Variants in SDK2 observed in about 807,000 individuals in gnomAD.
SDK2 encodes protein sidekick-2.
A neutral mutation model predicts 253.9 loss-of-function variants in SDK2; 105 were observed. The ratio of observed to expected loss-of-function variants is 0.41; its 90% confidence interval spans 0.35 to 0.49. The LOEUF (loss-of-function observed/expected upper bound fraction) is 0.49, where lower values mean the gene tolerates loss of function less well. SDK2 is among the 20% of genes least tolerant of loss of function. SDK2 has a pLI of 0.06. For synonymous variants in SDK2, 1,249 were observed against 1,234.9 expected (o/e 1.01, Z -0.24); for missense variants, 2,608 against 3,003.0 (o/e 0.87, Z 3.07).
chr17:73,548,231 G>A (rs2044997509), intron 1 of SDK2, among the ~76,000 whole-genome samples: 1 of 152,234 alleles, frequency 6.6e-6, no homozygotes, highest in South Asian at 2.1e-4. Flanking sequence ...GGGCTAGGAA[G>A]TGGCAGTGGT....
chr17:73,338,277 C>CTG lies in SDK2; in HGVS notation c.*309_*310insCA. On this transcript the variant is annotated 3_prime_UTR_variant, in exon 45 of 45. Coordinates refer to ENST00000392650, the MANE Select transcript of SDK2 (RefSeq NM_001144952.2). The surrounding 1 kb of genome is among the most constrained non-coding windows in gnomAD (Gnocchi z 5.0). ...CTTAGCCTCCGCTCCCTCTCTCTCT[C>CTG]CAGATGCCCGCCCCACTCCGTGTCC... 1.9e-6 allele frequency: 1 copy of CTG among 523,028 alleles called. No homozygotes were observed. The highest frequency in any genetic ancestry group is 3.6e-6 in the Non-Finnish European group (1 of 274,156). 32.4% of individuals were successfully genotyped at this position (523,028 alleles called of 1,614,324 possible). A position where few individuals can be genotyped will look rare whatever the true frequency, so the allele number is the denominator to read the frequency against.
intron 5 of SDK2, among the ~76,000 whole-genome samples, chr17:73,441,423 C>A (rs181144934): frequency 1.1e-4 from 16 of 152,240 alleles, no homozygotes; most frequent in Non-Finnish European, 1.8e-4. Context: ...AGGATCATTA[C>A]AGGTTTGTAA....
At chr17:73,398,499 C>T (rs2062991667) in intron 22 of SDK2, 70 bp from the exon 23 acceptor site, 3 of 1,323,908 alleles carry the variant, frequency 2.3e-6, no homozygotes, top group Admixed American at 1.8e-5. Flanking sequence ...AGCCCCAGTA[C>T]AAGCCCTGCC....
chr17:73,536,627 C>T (rs778311278), intron 1 of SDK2, among the ~76,000 whole-genome samples: 11 of 152,214 alleles, frequency 7.2e-5, no homozygotes, highest in Non-Finnish European at 1.0e-4. Context: ...CAGCAGAACA[C>T]GCTGCCCCCA....
chr17:73,489,642 C>T (rs917493958), intron 2 of SDK2, among the ~76,000 whole-genome samples: 2 of 152,140 alleles, frequency 1.3e-5, no homozygotes, highest in Non-Finnish European at 2.9e-5. Flanking sequence ...CAGGTTCTTC[C>T]CTATAACGAG....
intron 1 of SDK2, among the ~76,000 whole-genome samples, chr17:73,572,772 A>G (rs1320147552): frequency 6.6e-6 from 1 of 151,824 alleles, no homozygotes; most frequent in Non-Finnish European, 1.5e-5. Context: ...CCTATCATTG[A>G]CCCCTTCTGT....
intron 15 of SDK2, 150 bp from the exon 16 acceptor site, chr17:73,419,456 G>C (rs1781484311): frequency 1.2e-6 from 1 of 808,984 alleles, no homozygotes; most frequent in African/African-American, 1.7e-5. Context: ...ACTTCTCTGA[G>C]CTTGTTCTAT....
In SDK2 at chr17:73,338,330, C is replaced by T. The variant is rs1293109993; in HGVS notation, c.*257G>A. The T allele has an allele frequency of 1.6e-6, 1 of 635,062 alleles. No homozygotes were observed. Among genetic ancestry groups the T allele is most frequent in the Non-Finnish European group, 2.9e-6 (1 of 342,212 alleles). 39.3% of individuals were successfully genotyped at this position (635,062 alleles called of 1,614,324 possible). A position where few individuals can be genotyped will look rare whatever the true frequency, so the allele number is the denominator to read the frequency against. Reference sequence around the variant, plus strand: ...AGCAGTGACACAGCCACTTCCCCAGCTCCGTGTAATTCCCAAGGGAGCAGT... The same window carrying T: ...AGCAGTGACACAGCCACTTCCCCAGTTCCGTGTAATTCCCAAGGGAGCAGT... On this transcript the variant is annotated 3_prime_UTR_variant, in exon 45 of 45. Coordinates refer to ENST00000392650, the MANE Select transcript of SDK2 (RefSeq NM_001144952.2). This position sits in a 1 kb window ranked among gnomAD's most constrained non-coding sequence, Gnocchi z 5.0.
chr17:73,345,217 G>A (rs890286935), intron 44 of SDK2, among the ~76,000 whole-genome samples: 4 of 152,104 alleles, frequency 2.6e-5, no homozygotes, highest in Admixed American at 6.6e-5. Context: ...TATTCGGGAG[G>A]CTGAGGCAGG....
intron 36 of SDK2, among the ~76,000 whole-genome samples, chr17:73,372,593 T>C (rs942389663): frequency 5.9e-5 from 9 of 152,178 alleles, no homozygotes; most frequent in African/African-American, 2.2e-4. Flanking sequence ...GATCTATATA[T>C]AGCCGGGCAT....
intron 1 of SDK2, among the ~76,000 whole-genome samples, chr17:73,546,185 C>T (rs1247985501): frequency 6.6e-6 from 1 of 152,218 alleles, no homozygotes; most frequent in East Asian, 1.9e-4. Flanking sequence ...TTCTCCCCTC[C>T]CTGAAGGTGC....
intron 1 of SDK2, among the ~76,000 whole-genome samples, chr17:73,544,767 T>C (rs1319125080): frequency 6.6e-6 from 1 of 152,128 alleles, no homozygotes; most frequent in Non-Finnish European, 1.5e-5. Flanking sequence ...GGAAATGGCT[T>C]CCATGACACT....
intron 40 of SDK2, 59 bp downstream of exon 40, chr17:73,358,020 A>G: frequency 1.2e-6 from 2 of 1,608,774 alleles, no homozygotes; most frequent in Non-Finnish European, 1.7e-6. Context: ...AAGTGGAGGG[A>G]CCCAGGAAGA....
intron 1 of SDK2, among the ~76,000 whole-genome samples, chr17:73,545,643 C>T (rs1181105981): frequency 6.6e-6 from 1 of 152,062 alleles, no homozygotes; most frequent in Non-Finnish European, 1.5e-5. Flanking sequence ...GGTTGGGGGA[C>T]AGCACCGCCA....
At position 73,433,802 on chromosome 17, in the gene SDK2, G is replaced by A. The variant is rs761629975; in HGVS notation, c.1242C>T (p.Ile414=). 7.5e-6 allele frequency: 12 copies of A among 1,602,474 alleles called. No individual in the cohort carries two copies. The highest frequency in any genetic ancestry group is 5.7e-5 in the South Asian group (5 of 88,360). Residue 414 remains isoleucine (I), a synonymous_variant, in exon 10 of 45, where the codon ATC becomes ATT. Coordinates refer to ENST00000392650, the MANE Select transcript of SDK2 (RefSeq NM_001144952.2). ...ITRGPLDSTV[I]DGMSVVLACE... ...ATGCTAGCACCACTGACATGCCATCGATCACCGTGCTGTCCAGGGGGCCTC... is the reference window on the plus strand; with the variant it reads ...ATGCTAGCACCACTGACATGCCATCAATCACCGTGCTGTCCAGGGGGCCTC...
intron 1 of SDK2, among the ~76,000 whole-genome samples, chr17:73,575,911 A>G (rs1253519761): frequency 1.3e-5 from 2 of 152,136 alleles, no homozygotes; most frequent in Non-Finnish European, 2.9e-5. Context: ...GAGGAGGTAT[A>G]AAAAGGGAGA....
intron 37 of SDK2, among the ~76,000 whole-genome samples, chr17:73,366,447 TG>T (rs2062686333): frequency 6.6e-6 from 1 of 152,136 alleles, no homozygotes; most frequent in Admixed American, 6.5e-5. Flanking sequence ...AGCCAGGGCT[TG>T]TCCCCAGAGA....
At chr17:73,354,552 T>C (rs955825109) in intron 40 of SDK2, among the ~76,000 whole-genome samples, 1 of 152,128 alleles carries the variant, frequency 6.6e-6, no homozygotes, top group Non-Finnish European at 1.5e-5. Context: ...GCGGGGCTGA[T>C]TTGGAAACTG....
intron 1 of SDK2, among the ~76,000 whole-genome samples, chr17:73,581,776 T>G (rs990485878): frequency 6.6e-6 from 1 of 152,196 alleles, no homozygotes; most frequent in Non-Finnish European, 1.5e-5. Flanking sequence ...ACAGCCCAGG[T>G]CACCCCCAGG....
Sources: gnomAD v4.1 joint callset for allele counts (sites outside exome capture counted in the v4.1 genomes callset) on GRCh38, gnomAD v4.1.1 for gene constraint, Gnocchi (gnomAD v3.1) non-coding constraint, MANE v1.5 for transcripts, NCBI Gene and HGNC (gene_info 2026-07-23, HGNC 2026-07-21) for gene names.